SPOPL: variants seen among roughly 807,000 people sequenced by gnomAD.
The protein encoded by SPOPL is speckle-type POZ protein-like.
Under a neutral mutation model 53.8 loss-of-function variants are expected in SPOPL, and 23 were observed. The observed-to-expected ratio is 0.43, with a 90% confidence interval of 0.31 to 0.61. The LOEUF is 0.61. SPOPL is among the 20% of genes least tolerant of loss of function. SPOPL has a pLI of 0.12. For missense variants in SPOPL, 442 were observed against 466.9 expected (o/e 0.95, Z 0.49); for synonymous variants, 164 against 149.7 (o/e 1.10, Z -0.70).
intron 10 of SPOPL, among the ~76,000 whole-genome samples, chr2:138,567,001 A>G (rs987466345): frequency 3.9e-5 from 6 of 152,198 alleles, no homozygotes; most frequent in African/African-American, 7.2e-5. Flanking sequence ...ATAGAAGCGT[A>G]AAGTAGTAGT....
intron 10 of SPOPL, among the ~76,000 whole-genome samples, chr2:138,567,431 GTGTT>G (rs1308365262): frequency 3.9e-5 from 5 of 127,094 alleles, no homozygotes; most frequent in African/African-American, 1.2e-4. Context: ...GTGTGTGTGT[GTGTT>G]GCGGGCGGGG....
chr2:138,523,025 AC>A (rs1413925729), intron 1 of SPOPL, among the ~76,000 whole-genome samples: 1 of 152,242 alleles, frequency 6.6e-6, no homozygotes, highest in Non-Finnish European at 1.5e-5. Flanking sequence ...ACAGCCATGC[AC>A]ATAAACTCTA....
At chr2:138,561,196 A>G (rs1462287798) in intron 8 of SPOPL, among the ~76,000 whole-genome samples, 1 of 152,156 alleles carries the variant, frequency 6.6e-6, no homozygotes, top group African/African-American at 2.4e-5. Context: ...ACTTCCATTT[A>G]AAAGAACACA....
chr2:138,525,715 G>C (rs556054925), intron 1 of SPOPL, among the ~76,000 whole-genome samples: 28 of 151,484 alleles, frequency 1.8e-4, no homozygotes, highest in African/African-American at 6.5e-4. Flanking sequence ...GCACATGGCT[G>C]TATTCCCGGC....
Position 138,569,010 on chromosome 2 carries a change from C to G in SPOPL, c.1109C>G (p.Ala370Gly), listed in dbSNP as rs1185975129. 3.7e-6 allele frequency: 6 copies of G among 1,614,044 alleles called. No homozygotes were observed. Among genetic ancestry groups the G allele is most frequent in the East Asian group, 2.2e-5 (1 of 44,878 alleles). The change falls in exon 11 of 11, where the codon GCC (alanine) becomes GGC (glycine). Residue 370 changes from alanine (A) to glycine (G), a missense_variant. By Grantham distance (60) the Ala-to-Gly change is moderately conservative. Transcript: ENST00000280098. ...IQSHPHLVAE[A>G]FRALASAQCP... is the part of the protein sequence containing the mutation. ...TCTCACCCTCATTTAGTAGCAGAAG[C>G]CTTTCGAGCACTAGCATCTGCACAG...
intron 5 of SPOPL, among the ~76,000 whole-genome samples, chr2:138,554,745 A>T (rs545198082): frequency 6.6e-6 from 1 of 152,218 alleles, no homozygotes; most frequent in African/African-American, 2.4e-5. Context: ...AATTCAACAG[A>T]TTTTAAATAC....
chr2:138,504,165 A>G (rs1684165036), intron 1 of SPOPL, among the ~76,000 whole-genome samples: 1 of 152,242 alleles, frequency 6.6e-6, no homozygotes, highest in Non-Finnish European at 1.5e-5. Context: ...TACATATGTA[A>G]CTATCAAAAT....
At chr2:138,553,244 AAGT>A (rs753737698) in intron 5 of SPOPL, among the ~76,000 whole-genome samples, 11 of 152,078 alleles carry the variant, frequency 7.2e-5, no homozygotes, top group Non-Finnish European at 1.0e-4. Flanking sequence ...GATATTTTGA[AAGT>A]TACTAGCATT....
intron 1 of SPOPL, among the ~76,000 whole-genome samples, chr2:138,519,099 G>A (rs540347090): frequency 6.6e-5 from 10 of 152,304 alleles, no homozygotes; most frequent in African/African-American, 2.2e-4. Flanking sequence ...CTTTGGGATT[G>A]AACCCAAGTC....
In SPOPL at chr2:138,569,203, A is replaced by C. The variant is rs1489129068; in HGVS notation, c.*123A>C. On this transcript the variant is annotated 3_prime_UTR_variant, in exon 11 of 11. Transcript: ENST00000280098. Reference sequence around the variant, plus strand: ...ATTTTGTCCACAGAACAGAAGCTGAAAAAGCATATTGCTTGCATTTCAGGT... The same window carrying C: ...ATTTTGTCCACAGAACAGAAGCTGACAAAGCATATTGCTTGCATTTCAGGT... The C allele has an allele frequency of 9.3e-5, 101 of 1,088,258 alleles. No individual in the cohort carries two copies. In the East Asian group the frequency reaches 2.5e-3, roughly 27 times the overall value. The allele number at this position is 1,088,258 out of a possible 1,614,324, so 67.4% of individuals were successfully genotyped here.
intron 1 of SPOPL, among the ~76,000 whole-genome samples, chr2:138,544,279 A>C (rs552716630): frequency 6.6e-6 from 1 of 152,310 alleles, no homozygotes; most frequent in South Asian, 2.1e-4. Context: ...GGGACATTTA[A>C]GTCTGCAGAG....
chr2:138,522,744 A>T (rs370433584), intron 1 of SPOPL, among the ~76,000 whole-genome samples: 2 of 152,186 alleles, frequency 1.3e-5, no homozygotes, highest in East Asian at 3.9e-4. Flanking sequence ...CTTCTGAAAG[A>T]CACAGCTGTT....
At chr2:138,540,147 A>G (rs945282255) in intron 1 of SPOPL, among the ~76,000 whole-genome samples, 53 of 152,176 alleles carry the variant, frequency 3.5e-4, no homozygotes, top group African/African-American at 1.1e-3. Flanking sequence ...TGGTTACTGT[A>G]GCCTTGTAAT....
intron 1 of SPOPL, among the ~76,000 whole-genome samples, chr2:138,534,271 T>C (rs1358998573): frequency 6.6e-6 from 1 of 151,980 alleles, no homozygotes; most frequent in African/African-American, 2.4e-5. Context: ...GGATCAAAAA[T>C]ATATGGGAAA....
chr2:138,513,739 C>CAA (rs33913820), intron 1 of SPOPL, among the ~76,000 whole-genome samples: 1,160 of 112,636 alleles, frequency 0.01, 21 homozygotes, highest in African/African-American at 0.033. Flanking sequence ...GACCTTACCT[C>CAA]AAAAAAAAAA....
intron 1 of SPOPL, among the ~76,000 whole-genome samples, chr2:138,508,971 C>A (rs1193155570): frequency 6.6e-6 from 1 of 151,036 alleles, no homozygotes; most frequent in East Asian, 2.0e-4. Flanking sequence ...ATTCTTTATA[C>A]CTGCTTATAT....
intron 1 of SPOPL, among the ~76,000 whole-genome samples, chr2:138,511,351 A>G (rs1371485090): frequency 6.6e-6 from 1 of 152,204 alleles, no homozygotes; most frequent in African/African-American, 2.4e-5. Flanking sequence ...AAGAGGGTAT[A>G]CCAGGTGTAT....
chr2:138,526,822 G>C (rs568233601), intron 1 of SPOPL, among the ~76,000 whole-genome samples: 54 of 151,878 alleles, frequency 3.6e-4, no homozygotes, highest in Non-Finnish European at 6.8e-4. Flanking sequence ...CACCTCCTGG[G>C]TTCAAACAAT....
chr2:138,528,258 T>C (rs983224897), intron 1 of SPOPL, among the ~76,000 whole-genome samples: 1 of 152,198 alleles, frequency 6.6e-6, no homozygotes, highest in Non-Finnish European at 1.5e-5. Flanking sequence ...CTAAAATAAT[T>C]ACTCTGAGGC....
Sources: gnomAD v4.1 joint callset for allele counts (sites outside exome capture counted in the v4.1 genomes callset) on GRCh38, gnomAD v4.1.1 for gene constraint, MANE v1.5 for transcripts, NCBI Gene and HGNC (gene_info 2026-07-23, HGNC 2026-07-21) for gene names.